ADCY1: variants seen among roughly 807,000 people sequenced by gnomAD.
ADCY1 encodes the protein adenylate cyclase type 1.
A neutral mutation model predicts 105.4 loss-of-function variants in ADCY1; 28 were observed. The observed-to-expected ratio is 0.27, with a 90% CI of 0.20 to 0.36. ADCY1 has a LOEUF of 0.36. Among genes scored for constraint, ADCY1 ranks in the 10% least tolerant of loss-of-function variants. The pLI is 1.00. For synonymous variants in ADCY1, 655 were observed against 623.8 expected (o/e 1.05, Z -0.75); for missense variants, 977 against 1,434.2 (o/e 0.68, Z 5.15).
intron 4 of ADCY1, 139 bp from the exon 5 acceptor site, chr7:45,648,531 G>A: frequency 8.8e-7 from 1 of 1,142,740 alleles, no homozygotes; most frequent in South Asian, 1.5e-5. Flanking sequence ...TGTGGCCTGG[G>A]CGGGAAGGTG....
chr7:45,662,291 C>T (rs1052257683), intron 8 of ADCY1, 77 bp downstream of exon 8: 38 of 1,475,782 alleles, frequency 2.6e-5, no homozygotes, highest in East Asian at 2.4e-4. Flanking sequence ...ATATGGCCCC[C>T]GTGCCATTTG....
At chr7:45,596,539 C>A (rs1362805737) in intron 2 of ADCY1, among the ~76,000 whole-genome samples, 1 of 152,122 alleles carries the variant, frequency 6.6e-6, no homozygotes, top group Non-Finnish European at 1.5e-5. Context: ...GGGGACACAA[C>A]CCAGTCCTGA....
intron 5 of ADCY1, among the ~76,000 whole-genome samples, chr7:45,656,695 G>C (rs568626053): frequency 1.4e-4 from 21 of 152,220 alleles, no homozygotes; most frequent in Non-Finnish European, 2.5e-4. Context: ...CAGGCTTCTC[G>C]GGTGGGTGGC....
intron 4 of ADCY1, among the ~76,000 whole-genome samples, chr7:45,644,151 C>T (rs1166842821): frequency 2.6e-5 from 4 of 152,232 alleles, no homozygotes; most frequent in Non-Finnish European, 5.9e-5. Context: ...TTCATCCTCT[C>T]CTTCTCCCAG....
chr7:45,699,311 G>A (rs1021063631), intron 14 of ADCY1, among the ~76,000 whole-genome samples: 4 of 152,234 alleles, frequency 2.6e-5, no homozygotes, highest in African/African-American at 7.2e-5. Flanking sequence ...GATCCAGGGA[G>A]GGAGATTTTC....
chr7:45,641,701 T>A (rs574765343), intron 4 of ADCY1, among the ~76,000 whole-genome samples: 14 of 148,628 alleles, frequency 9.4e-5, no homozygotes, highest in Non-Finnish European at 1.8e-4. Flanking sequence ...CCGAGGCAGG[T>A]GGATCATGAG....
intron 1 of ADCY1, among the ~76,000 whole-genome samples, chr7:45,577,105 G>A (rs1792372218): frequency 6.6e-6 from 1 of 152,086 alleles, no homozygotes; most frequent in Non-Finnish European, 1.5e-5. Flanking sequence ...AGCCCATCCT[G>A]GGAGCAAGGA....
intron 4 of ADCY1, among the ~76,000 whole-genome samples, chr7:45,633,179 A>C (rs757978798): frequency 6.6e-6 from 1 of 152,218 alleles, no homozygotes; most frequent in Non-Finnish European, 1.5e-5. Context: ...CGGTCTTCCA[A>C]AGTCCTGGTA....
Position 45,574,630 on chromosome 7 carries a change from C to T in ADCY1, c.87C>T (p.Arg29=). 1.7e-6 allele frequency: 2 copies of T among 1,199,950 alleles called. No individual in the cohort carries two copies. The highest frequency in any genetic ancestry group is 7.2e-5 in the East Asian group (2 of 27,848). 74.3% of individuals were successfully genotyped at this position (1,199,950 alleles called of 1,614,324 possible). Residue 29 remains arginine (R), a synonymous_variant, in exon 1 of 20, where the codon CGC becomes CGT. Coordinates refer to ENST00000297323, the MANE Select transcript of ADCY1 (RefSeq NM_021116.4). This position sits in a 1 kb window ranked among gnomAD's most constrained non-coding sequence, Gnocchi z 7.0. ...CCGAGCGGGCGGCCGGGACAAGCCG[C>T]CGGCGCGGGCTCCGGGCGTGCGACG... ...GGAERAAGTS[R]RRGLRACDEE... is the part of the protein sequence containing the mutation.
intron 4 of ADCY1, among the ~76,000 whole-genome samples, chr7:45,632,697 G>T (rs1794291126): frequency 6.6e-6 from 1 of 151,960 alleles, no homozygotes. Context: ...CTGAGTAGCT[G>T]GGACGACAGG....
Position 45,708,264 on chromosome 7 carries a change from G to A in ADCY1, c.2818-86G>A, listed in dbSNP as rs1444443753. 8.6e-6 allele frequency: 7 copies of A among 817,390 alleles called. No homozygotes were observed. The highest frequency in any genetic ancestry group is 6.7e-5 in the African/African-American group (4 of 59,334). The allele number at this position is 817,390 out of a possible 1,614,324, so 50.6% of individuals were successfully genotyped here. On this transcript the variant is annotated intron_variant, in intron 17 of 19. Coordinates refer to ENST00000297323, the MANE Select transcript of ADCY1 (RefSeq NM_021116.4). The surrounding 1 kb of genome is among the most constrained non-coding windows in gnomAD (Gnocchi z 4.7). The stretch of plus-strand genomic sequence containing the variant: ...ACTCAGAGTGCCTTCCTCTGAAAGT[G>A]CAGCTGTTGGGCACTGCAGGTTGGT...
intron 2 of ADCY1, among the ~76,000 whole-genome samples, chr7:45,594,556 C>T (rs552377960): frequency 8.5e-5 from 13 of 152,176 alleles, no homozygotes; most frequent in African/African-American, 2.6e-4. Flanking sequence ...CCTTCCTTTC[C>T]TACTTCTGTG....
chr7:45,606,535 C>G (rs1793378511), intron 2 of ADCY1, among the ~76,000 whole-genome samples: 1 of 152,168 alleles, frequency 6.6e-6, no homozygotes, highest in South Asian at 2.1e-4. Flanking sequence ...CTAAAGAAAC[C>G]TCAGGAACTC....
intron 2 of ADCY1, among the ~76,000 whole-genome samples, chr7:45,603,344 T>C (rs1793289306): frequency 6.6e-6 from 1 of 152,234 alleles, no homozygotes; most frequent in Admixed American, 6.5e-5. Context: ...TGCTAGGTCT[T>C]GTGGTAACTC....
At chr7:45,618,500 A>G (rs1220152759) in intron 3 of ADCY1, among the ~76,000 whole-genome samples, 1 of 152,248 alleles carries the variant, frequency 6.6e-6, no homozygotes, top group Non-Finnish European at 1.5e-5. Context: ...AATATCCAGA[A>G]TATACAAGGA....
At position 45,708,216 on chromosome 7, in the gene ADCY1, G is replaced by C; in HGVS notation, c.2818-134G>C. 1.6e-6 allele frequency: 1 copy of C among 629,234 alleles called. No homozygotes were observed. 39.0% of individuals were successfully genotyped at this position (629,234 alleles called of 1,614,324 possible). The stretch of plus-strand genomic sequence containing the variant: ...TAGTCTCCTACCTGTAGAATGGAAT[G>C]ATAAATGTGCCTATAGCCAGGCACT... On this transcript the variant is annotated intron_variant, in intron 17 of 19. Coordinates refer to ENST00000297323, the MANE Select transcript of ADCY1 (RefSeq NM_021116.4). This position sits in a 1 kb window ranked among gnomAD's most constrained non-coding sequence, Gnocchi z 4.7.
intron 1 of ADCY1, among the ~76,000 whole-genome samples, chr7:45,583,744 G>T (rs10951825): frequency 2.6e-5 from 4 of 151,554 alleles, no homozygotes; most frequent in Admixed American, 2.6e-4. Flanking sequence ...AGGTTCAAGC[G>T]ATTCTCCTGC....
chr7:45,607,231 TTACGTATAC>T (rs1197802544), intron 2 of ADCY1, among the ~76,000 whole-genome samples: 3 of 152,202 alleles, frequency 2.0e-5, no homozygotes, highest in Non-Finnish European at 4.4e-5. Context: ...TCTTTTTGTC[TTACGTATAC>T]ATTCCAGGGT....
At position 45,721,415 on chromosome 7, in the gene ADCY1, G is replaced by A. The variant is rs780514142; in HGVS notation, c.*7420G>A. The A allele has an allele frequency of 4.2e-5, 15 of 359,512 alleles. 1 individual carries two copies. Among genetic ancestry groups the A allele is most frequent in the African/African-American group, 1.0e-4 (5 of 47,962 alleles). 22.3% of individuals were successfully genotyped at this position (359,512 alleles called of 1,614,324 possible). ...ATATTTGAGCGAAACCTGTCATTGC[G>A]TCTAATTTCAAATATACAGAATCTC... On this transcript the variant is annotated 3_prime_UTR_variant, in exon 20 of 20. Transcript: ENST00000297323.
Sources: gnomAD v4.1 joint callset for allele counts (sites outside exome capture counted in the v4.1 genomes callset) on GRCh38, gnomAD v4.1.1 for gene constraint, Gnocchi (gnomAD v3.1) non-coding constraint, MANE v1.5 for transcripts, NCBI Gene and HGNC (gene_info 2026-07-23, HGNC 2026-07-21) for gene names.